Variants in RAPGEF4 observed in about 807,000 individuals in gnomAD.
The protein encoded by RAPGEF4 is Rap guanine nucleotide exchange factor 4.
In RAPGEF4, 66 loss-of-function variants were observed where a neutral mutation model predicts 147.9. The ratio of observed to expected loss-of-function variants is 0.45; its 90% CI spans 0.37 to 0.55. RAPGEF4 has a LOEUF of 0.55. Among genes scored for constraint, RAPGEF4 ranks in the 20% least tolerant of loss-of-function variants. The pLI, the probability that RAPGEF4 is intolerant of heterozygous loss-of-function variation, is 0.00. For missense variants in RAPGEF4, 1,071 were observed against 1,257.3 expected (o/e 0.85, Z 2.24); for synonymous variants, 419 against 442.7 (o/e 0.95, Z 0.67).
Position 172,983,419 on chromosome 2 carries a change from G to T in RAPGEF4, c.1005-77G>T, listed in dbSNP as rs1244489166. On this transcript the variant is annotated intron_variant, in intron 10 of 30. Transcript: ENST00000397081. The stretch of plus-strand genomic sequence containing the variant: ...AGAAATCCCTGAGCATGTTACTGAT[G>T]CCTGGATCCGTTTCCATGTTTGAGG... The T allele has an allele frequency of 3.4e-5, 53 of 1,545,886 alleles. No individual in the cohort carries two copies. In the Middle Eastern group the frequency reaches 5.2e-4, roughly 15 times the overall value.
At position 172,983,565 on chromosome 2, in the gene RAPGEF4, C is replaced by T; in HGVS notation, c.1074C>T (p.Ser358=). The part of the protein sequence containing the change: ...YEELLHIKAL[S]HLSTTVKREL... ...AGCTTCTTCATATTAAAGCCTTATC[C>T]CATCTTTCTACCACAGTAAGTTGTC... Residue 358 remains serine (S), a synonymous_variant, in exon 11 of 31, where the codon TCC becomes TCT. Transcript: ENST00000397081. The T allele has an allele frequency of 6.2e-7, 1 of 1,613,680 alleles. No individual in the cohort carries two copies. Among genetic ancestry groups the T allele is most frequent in the African/African-American group, 1.3e-5 (1 of 74,932 alleles).
In RAPGEF4 at chr2:173,018,746, C is replaced by A; in HGVS notation, c.2099C>A (p.Ala700Asp). 1 of 1,614,058 alleles carries A rather than the reference C, an allele frequency of 6.2e-7. No homozygotes were observed. The highest frequency in any genetic ancestry group is 1.1e-5 in the South Asian group (1 of 91,082). Residue 700 changes from alanine (A) to aspartate (D), a missense_variant, in exon 22 of 31, where the codon GCC (alanine) becomes GAC (aspartate). Physicochemically the swap from Ala to Asp is moderately radical, Grantham distance 126. Coordinates refer to ENST00000397081, the MANE Select transcript of RAPGEF4 (RefSeq NM_007023.4). Reference protein sequence around the residue: ...TSVKEVISAVADKLGSGEGLI... With the variant: ...TSVKEVISAVDDKLGSGEGLI... The stretch of plus-strand genomic sequence containing the variant: ...GTGAAGGAAGTCATCAGTGCAGTTG[C>A]CGACAAGCTGGGCTCCGGGGAGGGC...
intron 21 of RAPGEF4, 30 bp from the exon 22 acceptor site, chr2:173,018,626 A>AT: frequency 6.3e-7 from 1 of 1,592,100 alleles, no homozygotes; most frequent in Non-Finnish European, 8.6e-7. Context: ...CTTAAGAGTG[A>AT]TTTACTACCT....
At chr2:172,913,939 A>G (rs1423631378) in intron 4 of RAPGEF4, among the ~76,000 whole-genome samples, 1 of 152,156 alleles carries the variant, frequency 6.6e-6, no homozygotes. Context: ...ATAGCTACAC[A>G]TTTACAGATC....
chr2:172,961,464 A>C (rs1192714078), intron 8 of RAPGEF4, among the ~76,000 whole-genome samples: 1 of 152,218 alleles, frequency 6.6e-6, no homozygotes, highest in Non-Finnish European at 1.5e-5. Flanking sequence ...TGTGATGAAC[A>C]AAGAGAAGAA....
intron 1 of RAPGEF4, among the ~76,000 whole-genome samples, chr2:172,751,039 A>G (rs2149442408): frequency 1.3e-5 from 2 of 152,246 alleles, no homozygotes; most frequent in East Asian, 3.9e-4. Flanking sequence ...TGTTTTCTTT[A>G]TCGACTCTTT....
chr2:173,021,357 G>A (rs964118784), intron 23 of RAPGEF4, among the ~76,000 whole-genome samples: 1 of 152,178 alleles, frequency 6.6e-6, no homozygotes, highest in African/African-American at 2.4e-5. Context: ...ATCTTAGAAA[G>A]CCTAGAGGGC....
intron 4 of RAPGEF4, among the ~76,000 whole-genome samples, chr2:172,895,125 C>T (rs1698340425): frequency 6.6e-6 from 1 of 152,108 alleles, no homozygotes; most frequent in Non-Finnish European, 1.5e-5. Flanking sequence ...AGCCTGACAG[C>T]CACTTCGCTT....
rs190776107 is a variant in RAPGEF4 at position 172,736,938 on chromosome 2, C to A, written c.65+890C>A. Among the ~76,000 whole-genome samples, 74 of 152,330 alleles carry A rather than the reference C, an allele frequency of 4.9e-4. 1 individual carries two copies. The highest frequency in any genetic ancestry group is 9.1e-4 in the Non-Finnish European group (62 of 68,036). On this transcript the variant is annotated intron_variant, in intron 1 of 30. Coordinates refer to ENST00000397081, the MANE Select transcript of RAPGEF4 (RefSeq NM_007023.4). ...CAGAAGGGCAATGATGCACGTCTTG[C>A]AGCTATCTGCATGACATCTCTATTT...
chr2:172,772,545 C>T (rs1224100464), intron 1 of RAPGEF4, among the ~76,000 whole-genome samples: 1 of 151,976 alleles, frequency 6.6e-6, no homozygotes, highest in Non-Finnish European at 1.5e-5. Flanking sequence ...GGCTTCACCA[C>T]GTTGGCCAGG....
chr2:172,975,261 A>T (rs1331778553), intron 10 of RAPGEF4, among the ~76,000 whole-genome samples: 1 of 152,222 alleles, frequency 6.6e-6, no homozygotes, highest in East Asian at 1.9e-4. Flanking sequence ...GGAAAGAGTC[A>T]ATTTACTCCA....
At position 172,997,764 on chromosome 2, in the gene RAPGEF4, C is replaced by T. The variant is rs149405017; in HGVS notation, c.1579+1210C>T. Among the ~76,000 whole-genome samples, 51 of 152,242 alleles carry T rather than the reference C, an allele frequency of 3.3e-4. No homozygotes were observed. The East Asian group carries it at 9.8e-3, about 29-fold the overall frequency. ...CACTAAAAGAAGTTCAGAGATTTAT[C>T]TCAAAAACTTAGTTCAAAATCCATT... On this transcript the variant is annotated intron_variant, in intron 16 of 30. Transcript: ENST00000397081.
At position 172,735,976 on chromosome 2, in the gene RAPGEF4, C is replaced by G; in HGVS notation, c.-8C>G. On this transcript the variant is annotated 5_prime_UTR_variant, in exon 1 of 31. Transcript: ENST00000397081. ...CGCAGCCAGGGACACCGCGCGCCGC[C>G]GCTCAACATGGTCGCTGCGCACGCT... 6.8e-7 allele frequency: 1 copy of G among 1,463,488 alleles called. No homozygotes were observed. The highest frequency in any genetic ancestry group is 9.0e-7 in the Non-Finnish European group (1 of 1,105,424). 90.7% of individuals were successfully genotyped at this position (1,463,488 alleles called of 1,614,324 possible).
At chr2:172,811,591 G>A (rs866516157) in intron 3 of RAPGEF4, among the ~76,000 whole-genome samples, 5 of 152,164 alleles carry the variant, frequency 3.3e-5, no homozygotes, top group East Asian at 1.9e-4. Flanking sequence ...ATGTATAAGC[G>A]TAAAAGAAAC....
At chr2:172,831,195 C>T (rs1004355921) in intron 4 of RAPGEF4, among the ~76,000 whole-genome samples, 5 of 151,268 alleles carry the variant, frequency 3.3e-5, no homozygotes, top group African/African-American at 1.2e-4. Context: ...CACCTTGAAC[C>T]CCTATTAGCA....
At chr2:172,998,287 G>A (rs34039464) in intron 16 of RAPGEF4, among the ~76,000 whole-genome samples, 2 of 152,042 alleles carry the variant, frequency 1.3e-5, no homozygotes, top group Non-Finnish European at 2.9e-5. Context: ...TCCATACTAA[G>A]GGATAATATT....
chr2:172,966,021 G>A (rs2105498208), intron 9 of RAPGEF4, among the ~76,000 whole-genome samples: 1 of 152,330 alleles, frequency 6.6e-6, no homozygotes, highest in Middle Eastern at 3.4e-3. Flanking sequence ...TGATGCAGGG[G>A]CAGAATGAAG....
chr2:172,853,505 G>A (rs1000255667), intron 4 of RAPGEF4, among the ~76,000 whole-genome samples: 7 of 151,726 alleles, frequency 4.6e-5, no homozygotes, highest in African/African-American at 1.7e-4. Context: ...TATTTTTAAT[G>A]TTTTTGTTGA....
At chr2:173,026,177 C>A (rs3769218) in intron 23 of RAPGEF4, among the ~76,000 whole-genome samples, 1 of 152,132 alleles carries the variant, frequency 6.6e-6, no homozygotes, top group Non-Finnish European at 1.5e-5. Flanking sequence ...ACTGCCATGC[C>A]GTTACCTGCT....
Sources: gnomAD v4.1 joint callset for allele counts (sites outside exome capture counted in the v4.1 genomes callset) on GRCh38, gnomAD v4.1.1 for gene constraint, MANE v1.5 for transcripts, NCBI Gene and HGNC (gene_info 2026-07-23, HGNC 2026-07-21) for gene names.